Variants in PCDHGB6 observed in about 807,000 individuals in gnomAD.
The protein encoded by PCDHGB6 is protocadherin gamma-B6.
PCDHGB6 carries 51 observed loss-of-function variants against 59.1 expected under a neutral mutation model. The observed-to-expected ratio is 0.86, with a 90% CI of 0.69 to 1.09. The LOEUF is 1.09. Among genes scored for constraint, PCDHGB6 ranks in the 50% least tolerant of loss-of-function variants. The pLI is 0.00. For missense variants in PCDHGB6, 1,148 were observed against 1,205.1 expected (o/e 0.95, Z 0.70); for synonymous variants, 466 against 495.1 (o/e 0.94, Z 0.78).
chr5:141,428,110 C>G (rs917739943), intron 1 of PCDHGB6: 11 of 1,607,538 alleles, frequency 6.8e-6, no homozygotes, highest in Middle Eastern at 3.4e-4. Context: ...GTGCTGCAGG[C>G]CATCGAGCCC....
chr5:141,441,370 C>A (rs1378574921), intron 1 of PCDHGB6: 1 of 152,672 alleles, frequency 6.5e-6, no homozygotes, highest in African/African-American at 2.4e-5. Flanking sequence ...GGGCCGTGGA[C>A]CAGGAACAGA....
At chr5:141,455,690 C>T (rs1209152869) in intron 1 of PCDHGB6, among the ~76,000 whole-genome samples, 1 of 152,064 alleles carries the variant, frequency 6.6e-6, no homozygotes, top group Non-Finnish European at 1.5e-5. Context: ...CTGTGGGAAT[C>T]GCCAAGTTGA....
chr5:141,419,454 T>A (rs1191326733), intron 1 of PCDHGB6: 1 of 1,612,786 alleles, frequency 6.2e-7, no homozygotes, highest in Non-Finnish European at 8.5e-7. Flanking sequence ...GAGCTCACGC[T>A]GCAGGCCCGC....
chr5:141,434,194 G>A (rs913533813), intron 1 of PCDHGB6, among the ~76,000 whole-genome samples: 7 of 152,190 alleles, frequency 4.6e-5, no homozygotes, highest in African/African-American at 4.8e-5. Flanking sequence ...TAATTCCAAT[G>A]TACTTACTTC....
intron 1 of PCDHGB6, chr5:141,416,276 A>G (rs553989511): frequency 6.6e-6 from 1 of 152,388 alleles, no homozygotes; most frequent in East Asian, 1.9e-4. Context: ...TTTTGCATAC[A>G]ATTCTCTAAT....
intron 2 of PCDHGB6, among the ~76,000 whole-genome samples, chr5:141,502,107 C>T (rs1292131951): frequency 6.6e-6 from 1 of 152,192 alleles, no homozygotes; most frequent in East Asian, 1.9e-4. Context: ...TGACCCTGCA[C>T]CCTCAGCCAG....
chr5:141,487,802 C>T lies in PCDHGB6; in HGVS notation c.2419-7005C>T, dbSNP rs765438219. The T allele has an allele frequency of 9.5e-6, 14 of 1,477,306 alleles. No individual in the cohort carries two copies. The South Asian group carries it at 1.7e-4, about 18-fold the overall frequency. 91.5% of individuals were successfully genotyped at this position (1,477,306 alleles called of 1,614,324 possible). A position where few individuals can be genotyped will look rare whatever the true frequency, so the allele number is the denominator to read the frequency against. ...TTTCGTGAATTAACCAGAGTTGTCACAGTTTAGCATTGGGGGCGGGTCATG... is the reference window on the plus strand; with the variant it reads ...TTTCGTGAATTAACCAGAGTTGTCATAGTTTAGCATTGGGGGCGGGTCATG... On this transcript the variant is annotated intron_variant, in intron 1 of 3. Transcript: ENST00000520790. The surrounding 1 kb of genome is among the most constrained non-coding windows in gnomAD (Gnocchi z 5.0).
At position 141,491,578 on chromosome 5, in the gene PCDHGB6, C is replaced by T. The variant is rs1438933474; in HGVS notation, c.2419-3229C>T. 7.4e-6 allele frequency: 12 copies of T among 1,613,888 alleles called. No homozygotes were observed. The highest frequency in any genetic ancestry group is 1.0e-5 in the Non-Finnish European group (12 of 1,180,044). On this transcript the variant is annotated intron_variant, in intron 1 of 3. Coordinates refer to ENST00000520790, the MANE Select transcript of PCDHGB6 (RefSeq NM_018926.3). This position sits in a 1 kb window ranked among gnomAD's most constrained non-coding sequence, Gnocchi z 6.9. ...CCACTGCTACAGGACGTGCTTTTCA[C>T]CGGCCTCGGACGGCAGTGACTTCAC...
chr5:141,431,622 C>T lies in PCDHGB6; in HGVS notation c.2418+21002C>T, dbSNP rs761448407. 3 of 1,614,070 alleles carry T rather than the reference C, an allele frequency of 1.9e-6. No individual in the cohort carries two copies. The African/African-American group carries it at 4.0e-5, about 22-fold the overall frequency. ...TCCTTCCGGTATGTGGACGACAAGGCGGCCCAAGTTTTCAAACTAGATTGT... is the reference window on the plus strand; with the variant it reads ...TCCTTCCGGTATGTGGACGACAAGGTGGCCCAAGTTTTCAAACTAGATTGT... On this transcript the variant is annotated intron_variant, in intron 1 of 3. Transcript: ENST00000520790. The surrounding 1 kb of genome is among the most constrained non-coding windows in gnomAD (Gnocchi z 4.8).
At position 141,486,447 on chromosome 5, in the gene PCDHGB6, T is replaced by A. The variant is rs1452869378; in HGVS notation, c.2419-8360T>A. 6.2e-7 allele frequency: 1 copy of A among 1,614,058 alleles called. No individual in the cohort carries two copies. The highest frequency in any genetic ancestry group is 1.7e-5 in the Admixed American group (1 of 60,012). On this transcript the variant is annotated intron_variant, in intron 1 of 3. Coordinates refer to ENST00000520790, the MANE Select transcript of PCDHGB6 (RefSeq NM_018926.3). This position sits in a 1 kb window ranked among gnomAD's most constrained non-coding sequence, Gnocchi z 5.0. Reference sequence around the variant, plus strand: ...GCCAAATCTAGCTATGACATCATGGTCACTGCTTCTGATGCTGGGAACCCT... The same window carrying A: ...GCCAAATCTAGCTATGACATCATGGACACTGCTTCTGATGCTGGGAACCCT...
At chr5:141,484,155 T>G (rs2099592564) in intron 1 of PCDHGB6, among the ~76,000 whole-genome samples, 1 of 152,224 alleles carries the variant, frequency 6.6e-6, no homozygotes, top group Non-Finnish European at 1.5e-5. Context: ...GTAGGCACAA[T>G]GCTGTTGGTA....
At position 141,476,786 on chromosome 5, in the gene PCDHGB6, C is replaced by G. The variant is rs2099398607; in HGVS notation, c.2419-18021C>G. 3.1e-6 allele frequency: 5 copies of G among 1,613,444 alleles called. No individual in the cohort carries two copies. The highest frequency in any genetic ancestry group is 1.7e-5 in the Admixed American group (1 of 60,000). ...GGCGTTGGACGGAGGGACCCCAGCTCTCTCCGCCAGCCTGCCTATTCACAT... is the reference window on the plus strand; with the variant it reads ...GGCGTTGGACGGAGGGACCCCAGCTGTCTCCGCCAGCCTGCCTATTCACAT... On this transcript the variant is annotated intron_variant, in intron 1 of 3. Coordinates refer to ENST00000520790, the MANE Select transcript of PCDHGB6 (RefSeq NM_018926.3). The surrounding 1 kb of genome is among the most constrained non-coding windows in gnomAD (Gnocchi z 7.6).
Position 141,408,847 on chromosome 5 carries a change from G to A in PCDHGB6, c.645G>A (p.Leu215=). The A allele has an allele frequency of 6.2e-7, 1 of 1,613,498 alleles. No homozygotes were observed. Among genetic ancestry groups the A allele is most frequent in the African/African-American group, 1.3e-5 (1 of 74,988 alleles). Residue 215 remains leucine, a synonymous_variant, in exon 1 of 4, where the codon TTG becomes TTA. Coordinates refer to ENST00000520790, the MANE Select transcript of PCDHGB6 (RefSeq NM_018926.3). ...CTCATAGCTTGATATTGACTGCCTT[G>A]GACGGAGGGGACCCACCAAGAAGTG... The part of the protein sequence containing the change: ...QRSHSLILTA[L]DGGDPPRSAT...
intron 1 of PCDHGB6, chr5:141,422,813 TAGAACTG>T: frequency 6.2e-7 from 1 of 1,614,192 alleles, no homozygotes; most frequent in Non-Finnish European, 8.5e-7. Flanking sequence ...TTTCGAGACT[TAGAACTG>T]AGAGTGATAG....
intron 1 of PCDHGB6, among the ~76,000 whole-genome samples, chr5:141,446,961 GA>G (rs1466390366): frequency 2.0e-5 from 3 of 152,070 alleles, no homozygotes; most frequent in Admixed American, 1.3e-4. Context: ...AGCACCCAGG[GA>G]AATTTGCTGT....
chr5:141,478,481 C>A, intron 1 of PCDHGB6: 1 of 1,613,576 alleles, frequency 6.2e-7, no homozygotes, highest in South Asian at 1.1e-5. Flanking sequence ...CCAGAACACG[C>A]TGCGGAGCTG....
In PCDHGB6 at chr5:141,409,580, C is replaced by T. The variant is rs969743613; in HGVS notation, c.1378C>T (p.His460Tyr). The T allele has an allele frequency of 3.7e-6, 6 of 1,613,922 alleles. No homozygotes were observed. The Admixed American group carries it at 8.3e-5, about 22-fold the overall frequency. The stretch of plus-strand genomic sequence containing the variant: ...TTTCGACCAGACGTCCTACGTGGTC[C>T]ACGTGGCCGAGAACAACCCGCCAGG... ...PVFDQTSYVV[H>Y]VAENNPPGAS... is the part of the protein sequence containing the mutation. Residue 460 changes from histidine (H) to tyrosine (Y), a missense_variant, in exon 1 of 4, where the codon CAC (histidine) becomes TAC (tyrosine). This residue lies in a region of PCDHGB6 where 549 missense variants were observed against 527.5 expected (regional missense o/e 1.04). Transcript: ENST00000520790.
At chr5:141,488,011 T>C (rs1424799954) in intron 1 of PCDHGB6, among the ~76,000 whole-genome samples, 1 of 152,182 alleles carries the variant, frequency 6.6e-6, no homozygotes, top group Non-Finnish European at 1.5e-5. Context: ...GATTCTGAAG[T>C]ACCTTAACTC....
intron 1 of PCDHGB6, among the ~76,000 whole-genome samples, chr5:141,453,258 T>A (rs1336801456): frequency 1.6e-4 from 25 of 152,096 alleles, no homozygotes; most frequent in Admixed American, 1.6e-3. Flanking sequence ...GGGCTGCAAG[T>A]GCACACCACC....
Sources: allele counts gnomAD v4.1 joint callset (sites outside exome capture counted in the v4.1 genomes callset), GRCh38; gene constraint gnomAD v4.1.1; regional missense constraint gnomAD v4.1.1; non-coding constraint Gnocchi (gnomAD v3.1); transcripts MANE v1.5; gene names NCBI Gene and HGNC (gene_info 2026-07-23, HGNC 2026-07-21).